The following KIF15 variants were observed in gnomAD, a reference collection of about 807,000 sequenced individuals.
KIF15 encodes the protein kinesin-like protein KIF15.
In KIF15, 140 loss-of-function variants were observed where a neutral mutation model predicts 190.6. The observed-to-expected ratio is 0.73, with a 90% CI of 0.64 to 0.84. KIF15 has a LOEUF of 0.84. KIF15 is among the 40% of genes least tolerant of loss of function. The pLI is 0.00. For synonymous variants in KIF15, 528 were observed against 551.3 expected (o/e 0.96, Z 0.59); for missense variants, 1,372 against 1,584.4 (o/e 0.87, Z 2.28).
At chr3:44,863,652 C>T (rs80214268) in intron 6 of KIF15, 238 of 153,412 alleles carry the variant, frequency 1.6e-3, no homozygotes, top group Non-Finnish European at 2.9e-3. Context: ...AATGAGAATG[C>T]TTAAACACAG....
chr3:44,798,997 A>C (rs1335725917), intron 10 of KIF15, among the ~76,000 whole-genome samples: 1 of 152,210 alleles, frequency 6.6e-6, no homozygotes, highest in Non-Finnish European at 1.5e-5. Flanking sequence ...GTAAATCAGA[A>C]GACTATAGAT....
At chr3:44,805,464 T>C (rs945963989) in intron 15 of KIF15, among the ~76,000 whole-genome samples, 1 of 152,222 alleles carries the variant, frequency 6.6e-6, no homozygotes, top group Non-Finnish European at 1.5e-5. Flanking sequence ...TTAGGAAGTA[T>C]AGGTTTGTTA....
chr3:44,771,762 C>T (rs1182910908), intron 1 of KIF15, among the ~76,000 whole-genome samples: 2 of 152,160 alleles, frequency 1.3e-5, no homozygotes, highest in South Asian at 2.1e-4. Context: ...TATTTCAATG[C>T]TCAATTTATG....
chr3:44,862,857 TC>T (rs1219531980), intron 6 of KIF15: 1 of 152,004 alleles, frequency 6.6e-6, no homozygotes, highest in Non-Finnish European at 1.5e-5. Flanking sequence ...TTAGGGCTAA[TC>T]CAGTAGTAGC....
At chr3:44,846,771 C>CAA (rs765234089) in intron 30 of KIF15, among the ~76,000 whole-genome samples, 39 of 67,526 alleles carry the variant, frequency 5.8e-4, no homozygotes, top group South Asian at 1.6e-3. Context: ...GACTCTGTCT[C>CAA]AAAAAAAAAA....
chr3:44,864,121 T>TC, intron 6 of KIF15: 8 of 1,592,372 alleles, frequency 5.0e-6, no homozygotes, highest in Non-Finnish European at 6.9e-6. Context: ...GCAACCACAG[T>TC]CCTGGGTGTG....
At chr3:44,813,225 A>T in intron 19 of KIF15, 45 bp downstream of exon 19, 1 of 1,043,802 alleles carries the variant, frequency 9.6e-7, no homozygotes, top group South Asian at 1.4e-5. Flanking sequence ...GGAATACTGT[A>T]ACTCAATATC....
chr3:44,775,580 C>T (rs1471978333), intron 3 of KIF15, 143 bp downstream of exon 3: 19 of 586,264 alleles, frequency 3.2e-5, no homozygotes, highest in Non-Finnish European at 4.7e-5. Context: ...CTCAGCCTCC[C>T]GAGTAGCTAG....
At chr3:44,842,937 G>A (rs1307855633) in intron 29 of KIF15, among the ~76,000 whole-genome samples, 188 bp from the exon 30 acceptor site, 1 of 152,150 alleles carries the variant, frequency 6.6e-6, no homozygotes, top group African/African-American at 2.4e-5. Context: ...CACTGTGGAT[G>A]TGATCATGAA....
intron 24 of KIF15, among the ~76,000 whole-genome samples, chr3:44,828,571 T>C (rs772067899): frequency 1.3e-5 from 2 of 152,234 alleles, no homozygotes; most frequent in Non-Finnish European, 2.9e-5. Context: ...GATGCTGATA[T>C]TAGTGTGACC....
rs190177861 is a variant in KIF15 at position 44,865,036 on chromosome 3, G to A, written c.*60-8293G>A. 47 of 1,613,866 alleles carry A rather than the reference G, an allele frequency of 2.9e-5. No homozygotes were observed. The African/African-American group carries it at 3.1e-4, about 11-fold the overall frequency. ...AGTCCCTCACAGCTATCTTTGTCTC[G>A]CAGGCCTTCCTGGGCTATGTGCTGT... On this transcript the variant is annotated intron_variant and NMD_transcript_variant, in intron 6 of 6. Transcript: ENST00000422209.
chr3:44,776,466 A>T (rs1391376497), intron 3 of KIF15, among the ~76,000 whole-genome samples: 1 of 152,068 alleles, frequency 6.6e-6, no homozygotes, highest in Non-Finnish European at 1.5e-5. Flanking sequence ...TGTAGTAGCC[A>T]TTAGTTATAT....
intron 3 of KIF15, among the ~76,000 whole-genome samples, chr3:44,776,371 A>G (rs992352975): frequency 2.0e-5 from 3 of 149,694 alleles, no homozygotes; most frequent in Non-Finnish European, 4.4e-5. Flanking sequence ...GCAGTGAGCT[A>G]TGATGGTGCC....
intron 20 of KIF15, among the ~76,000 whole-genome samples, chr3:44,824,586 T>C (rs1307566391): frequency 6.6e-6 from 1 of 152,236 alleles, no homozygotes; most frequent in Non-Finnish European, 1.5e-5. Flanking sequence ...CTAATAATCT[T>C]GGCCTCAACT....
chr3:44,865,462 C>CGCAGA, intron 6 of KIF15: 1 of 440,544 alleles, frequency 2.3e-6, no homozygotes, highest in Non-Finnish European at 4.2e-6. Context: ...TGGGGTTGGT[C>CGCAGA]TGCTTTGTGT....
At chr3:44,863,127 A>G (rs1245369159) in intron 6 of KIF15, 5 of 151,802 alleles carry the variant, frequency 3.3e-5, no homozygotes, top group Non-Finnish European at 5.9e-5. Flanking sequence ...ATCATATATC[A>G]TTAGTGTTAG....
chr3:44,836,817 CCTGA>C (rs1356114521), intron 26 of KIF15, among the ~76,000 whole-genome samples: 2 of 152,150 alleles, frequency 1.3e-5, no homozygotes, highest in Non-Finnish European at 1.5e-5. Flanking sequence ...AATCCTTCTC[CCTGA>C]CTGACTAAAA....
chr3:44,849,194 T>G (rs1698974197), intron 32 of KIF15, among the ~76,000 whole-genome samples: 1 of 152,208 alleles, frequency 6.6e-6, no homozygotes, highest in South Asian at 2.1e-4. Flanking sequence ...ATTATACTGA[T>G]TTAAAGGATT....
chr3:44,771,523 G>A (rs2125898750), intron 1 of KIF15, among the ~76,000 whole-genome samples: 1 of 152,314 alleles, frequency 6.6e-6, no homozygotes. Context: ...CCAAAAGCCA[G>A]GTGTCAGGAA....
Sources: allele counts gnomAD v4.1 joint callset (sites outside exome capture counted in the v4.1 genomes callset), GRCh38; gene constraint gnomAD v4.1.1; transcripts MANE v1.5; gene names NCBI Gene and HGNC (gene_info 2026-07-23, HGNC 2026-07-21).